Variants in LRMDA observed in about 807,000 individuals in gnomAD.
The protein encoded by LRMDA is leucine rich melanocyte differentiation associated.
LRMDA carries 18 observed loss-of-function variants against 29.8 expected under a neutral mutation model. That is an observed-to-expected ratio of 0.60 (90% CI 0.42 to 0.90). The LOEUF is 0.90. LRMDA is among the 40% of genes least tolerant of loss of function. The pLI, the probability that LRMDA is intolerant of heterozygous loss-of-function variation, is 0.00. For synonymous variants in LRMDA, 125 were observed against 109.4 expected (o/e 1.14, Z -0.89); for missense variants, 273 against 273.9 (o/e 1.00, Z 0.02).
chr10:76,212,262 C>T (rs1851648995), intron 5 of LRMDA, among the ~76,000 whole-genome samples: 1 of 145,594 alleles, frequency 6.9e-6, no homozygotes, highest in East Asian at 2.0e-4. Flanking sequence ...CACACACACA[C>T]ACACATAAAA....
intron 1 of LRMDA, among the ~76,000 whole-genome samples, chr10:75,437,637 G>A (rs978801316): frequency 1.3e-5 from 2 of 152,200 alleles, no homozygotes; most frequent in Non-Finnish European, 2.9e-5. Flanking sequence ...TCTGGAATCA[G>A]TTCAGATTCA....
At position 76,559,710 on chromosome 10, in the gene LRMDA, C is replaced by T. The variant is rs1843601242; in HGVS notation, c.*2422C>T. The T allele has an allele frequency of 6.6e-6, 1 of 152,198 alleles. No individual in the cohort carries two copies. The highest frequency in any genetic ancestry group is 2.1e-4 in the South Asian group (1 of 4,826). The allele number at this position is 152,198 out of a possible 1,614,324, so 9.4% of individuals were successfully genotyped here. A position where few individuals can be genotyped will look rare whatever the true frequency, so the allele number is the denominator to read the frequency against. ...GAAAGTAATAAATTCAATCAGGGCC[C>T]AGACATGTTTTGTACCCCCTTTACC... On this transcript the variant is annotated 3_prime_UTR_variant, in exon 7 of 7. Transcript: ENST00000611255.
intron 5 of LRMDA, among the ~76,000 whole-genome samples, chr10:76,105,220 T>G (rs192513679): frequency 7.2e-4 from 109 of 152,322 alleles, no homozygotes; most frequent in Admixed American, 4.0e-3. Context: ...AATATTATGC[T>G]TAATATTTAT....
intron 2 of LRMDA, among the ~76,000 whole-genome samples, chr10:75,592,995 C>T (rs1186725700): frequency 6.6e-6 from 1 of 152,082 alleles, no homozygotes; most frequent in East Asian, 1.9e-4. Flanking sequence ...ATCATCTCCA[C>T]CCCCTCCTCC....
chr10:76,177,459 T>C (rs1480828806), intron 5 of LRMDA, among the ~76,000 whole-genome samples: 1 of 152,128 alleles, frequency 6.6e-6, no homozygotes, highest in African/African-American at 2.4e-5. Context: ...TCCTTTCTAA[T>C]TGTATTAGTT....
intron 2 of LRMDA, among the ~76,000 whole-genome samples, chr10:75,880,905 G>C (rs1004737130): frequency 2.0e-5 from 3 of 152,218 alleles, no homozygotes; most frequent in African/African-American, 7.2e-5. Flanking sequence ...CAGTCGGGCA[G>C]CCAGGACAGG....
chr10:76,398,401 A>G (rs1044026284), intron 6 of LRMDA, among the ~76,000 whole-genome samples: 2 of 152,210 alleles, frequency 1.3e-5, no homozygotes, highest in African/African-American at 2.4e-5. Context: ...CATTCTAATT[A>G]TAATGTGACC....
intron 2 of LRMDA, among the ~76,000 whole-genome samples, chr10:75,586,213 T>C (rs1007325261): frequency 6.6e-6 from 1 of 152,192 alleles, no homozygotes; most frequent in African/African-American, 2.4e-5. Context: ...GTTGGATTGC[T>C]GGATCATATG....
chr10:76,287,737 C>T (rs1840290032), intron 5 of LRMDA, among the ~76,000 whole-genome samples: 1 of 152,080 alleles, frequency 6.6e-6, no homozygotes, highest in Non-Finnish European at 1.5e-5. Context: ...AAAGTTCTTG[C>T]TAAAAATAAA....
At chr10:76,377,436 A>G (rs1841534975) in intron 6 of LRMDA, among the ~76,000 whole-genome samples, 1 of 152,012 alleles carries the variant, frequency 6.6e-6, no homozygotes, top group South Asian at 2.1e-4. Flanking sequence ...GTTGCATTTG[A>G]TTTGGGGCTC....
intron 5 of LRMDA, among the ~76,000 whole-genome samples, chr10:76,067,853 T>C (rs1848810072): frequency 6.6e-6 from 1 of 152,248 alleles, no homozygotes; most frequent in Non-Finnish European, 1.5e-5. Context: ...CCTTGCTGTC[T>C]TTCCTGAACT....
intron 6 of LRMDA, among the ~76,000 whole-genome samples, chr10:76,440,015 G>A (rs1842284602): frequency 6.6e-6 from 1 of 152,134 alleles, no homozygotes; most frequent in Non-Finnish European, 1.5e-5. Flanking sequence ...TAAAGTGTAG[G>A]AGCTCACCTC....
intron 6 of LRMDA, chr10:76,470,532 G>T (rs1178412676): frequency 1.3e-5 from 2 of 151,862 alleles, no homozygotes; most frequent in Admixed American, 1.3e-4. Context: ...AAAAAATGTT[G>T]GATATACGTA....
intron 5 of LRMDA, among the ~76,000 whole-genome samples, chr10:76,246,758 C>T (rs779182577): frequency 2.6e-4 from 39 of 152,146 alleles, no homozygotes; most frequent in Admixed American, 1.3e-4. Flanking sequence ...AACAAGATGG[C>T]TTGAAGGAAG....
chr10:75,859,541 T>C (rs540448459), intron 2 of LRMDA, among the ~76,000 whole-genome samples: 50 of 152,210 alleles, frequency 3.3e-4, no homozygotes, highest in Non-Finnish European at 5.7e-4. Context: ...TTCATGTTTC[T>C]GTTGGCTTGC....
intron 2 of LRMDA, among the ~76,000 whole-genome samples, chr10:76,019,821 C>T (rs138754917): frequency 6.6e-6 from 1 of 152,146 alleles, no homozygotes; most frequent in African/African-American, 2.4e-5. Context: ...TCTTTTACTG[C>T]AGTAGATATA....
At chr10:76,078,052 C>T (rs1195386956) in intron 5 of LRMDA, among the ~76,000 whole-genome samples, 2 of 120,626 alleles carry the variant, frequency 1.7e-5, no homozygotes, top group Non-Finnish European at 3.2e-5. Flanking sequence ...GCTCTGTCGC[C>T]CAGGCTGTAT....
intron 5 of LRMDA, among the ~76,000 whole-genome samples, chr10:76,255,338 A>AT (rs994718324): frequency 3.3e-5 from 5 of 152,192 alleles, no homozygotes; most frequent in African/African-American, 1.2e-4. Context: ...GTCAGCAAGG[A>AT]TTTATGAGAG....
At chr10:76,539,797 A>T (rs1843332634) in intron 6 of LRMDA, among the ~76,000 whole-genome samples, 1 of 152,184 alleles carries the variant, frequency 6.6e-6, no homozygotes, top group African/African-American at 2.4e-5. Flanking sequence ...TGCTGTCTAT[A>T]TGAAGAGGTT....
Sources: allele counts gnomAD v4.1 joint callset (sites outside exome capture counted in the v4.1 genomes callset), GRCh38; gene constraint gnomAD v4.1.1; transcripts MANE v1.5; gene names NCBI Gene and HGNC (gene_info 2026-07-23, HGNC 2026-07-21).